Variants in EYS observed in about 807,000 individuals in gnomAD.
EYS encodes the protein protein eyes shut homolog.
In EYS, 250 loss-of-function variants were observed where a neutral mutation model predicts 282.1. That is an observed-to-expected ratio of 0.89 (90% CI 0.80 to 0.98). EYS has a LOEUF of 0.98. EYS is among the 50% of genes least tolerant of loss of function. EYS has a pLI of 0.00. For synonymous variants in EYS, 1,355 were observed against 1,282.9 expected (o/e 1.06, Z -1.20); for missense variants, 4,016 against 3,709.0 (o/e 1.08, Z -2.15).
intron 23 of EYS, among the ~76,000 whole-genome samples, chr6:64,623,065 T>C (rs1255034374): frequency 6.6e-6 from 1 of 152,162 alleles, no homozygotes; most frequent in Non-Finnish European, 1.5e-5. Flanking sequence ...ATTGCTAACA[T>C]CTAGACTAAG....
intron 30 of EYS, among the ~76,000 whole-genome samples, chr6:64,264,102 A>AAACAAC (rs16720): frequency 6.6e-6 from 1 of 151,530 alleles, no homozygotes; most frequent in Admixed American, 6.6e-5. Context: ...GCTAAAAGAA[A>AAACAAC]AACAACAACA....
At chr6:65,353,980 G>T (rs1176631244) in intron 8 of EYS, among the ~76,000 whole-genome samples, 1 of 152,000 alleles carries the variant, frequency 6.6e-6, no homozygotes, top group South Asian at 2.1e-4. Context: ...GGTTGAATTA[G>T]CACAATAAAT....
At chr6:64,524,737 A>G (rs1777862925) in intron 26 of EYS, among the ~76,000 whole-genome samples, 1 of 151,674 alleles carries the variant, frequency 6.6e-6, no homozygotes, top group South Asian at 2.1e-4. Flanking sequence ...TCCTTTCCTC[A>G]TTGCTTGCTT....
chr6:65,532,720 T>C (rs895534453), intron 2 of EYS, among the ~76,000 whole-genome samples: 1 of 152,184 alleles, frequency 6.6e-6, no homozygotes, highest in African/African-American at 2.4e-5. Flanking sequence ...ATGATTCTAA[T>C]GCTTCCCTTT....
At chr6:63,834,151 C>A (rs1393153401) in intron 36 of EYS, among the ~76,000 whole-genome samples, 5 of 152,086 alleles carry the variant, frequency 3.3e-5, no homozygotes, top group Non-Finnish European at 7.4e-5. Flanking sequence ...TAGGCAGGGG[C>A]AAGGACTTCA....
At chr6:64,021,839 T>C (rs1769208105) in intron 33 of EYS, among the ~76,000 whole-genome samples, 1 of 152,120 alleles carries the variant, frequency 6.6e-6, no homozygotes, top group Non-Finnish European at 1.5e-5. Context: ...CTGTAAGAAA[T>C]TATATACATG....
At chr6:64,310,208 C>T (rs7766748) in intron 29 of EYS, among the ~76,000 whole-genome samples, 109,052 of 151,994 alleles carry the variant, frequency 0.72, 39,324 homozygotes, top group African/African-American at 0.79. Context: ...TGAAATACCA[C>T]TCGACCCAGC....
At chr6:65,010,759 T>G (rs1469571983) in intron 13 of EYS, among the ~76,000 whole-genome samples, 1 of 152,150 alleles carries the variant, frequency 6.6e-6, no homozygotes, top group Non-Finnish European at 1.5e-5. Context: ...ACACAGAATC[T>G]AAGTATGCTT....
At chr6:64,678,945 C>T (rs1387725283) in intron 22 of EYS, among the ~76,000 whole-genome samples, 1 of 150,288 alleles carries the variant, frequency 6.7e-6, no homozygotes, top group Non-Finnish European at 1.5e-5. Flanking sequence ...AAAGATTGTG[C>T]CACTGCACTC....
intron 30 of EYS, among the ~76,000 whole-genome samples, chr6:64,246,460 GGTGT>G (rs770857200): frequency 6.6e-6 from 1 of 151,890 alleles, no homozygotes; most frequent in Non-Finnish European, 1.5e-5. Flanking sequence ...CTTTTGAAGG[GGTGT>G]GTGTGTGATG....
rs547747497 is a variant in EYS at position 64,569,506 on chromosome 6, C to T, written c.5644+20717G>A. Among the ~76,000 whole-genome samples, 12 of 152,030 alleles carry T rather than the reference C, an allele frequency of 7.9e-5. No individual in the cohort carries two copies. The East Asian group carries it at 1.2e-3, about 15-fold the overall frequency. On this transcript the variant is annotated intron_variant, in intron 26 of 42. Coordinates refer to ENST00000503581, the MANE Select transcript of EYS (RefSeq NM_001142800.2). ...CCTGTAATCCCAGCACTTTGGGAGG[C>T]GGAGGTGGGGGGGTCACGAGGTCAG...
intron 5 of EYS, among the ~76,000 whole-genome samples, chr6:65,444,574 A>G (rs530226361): frequency 4.6e-5 from 7 of 151,966 alleles, no homozygotes; most frequent in African/African-American, 1.7e-4. Flanking sequence ...GGCCAATTAT[A>G]AAGTATTTCT....
At chr6:63,971,662 G>T (rs571125496) in intron 35 of EYS, among the ~76,000 whole-genome samples, 1 of 152,142 alleles carries the variant, frequency 6.6e-6, no homozygotes, top group Non-Finnish European at 1.5e-5. Flanking sequence ...AAATAAAAAA[G>T]CCCAGAGAAT....
chr6:64,892,497 G>C (rs866681273), intron 18 of EYS, among the ~76,000 whole-genome samples: 9 of 151,932 alleles, frequency 5.9e-5, no homozygotes, highest in Admixed American at 4.6e-4. Flanking sequence ...CTATGTTAAA[G>C]TAATTCAAAT....
chr6:65,301,957 G>C (rs892567459), intron 11 of EYS, among the ~76,000 whole-genome samples: 2 of 152,256 alleles, frequency 1.3e-5, no homozygotes, highest in Admixed American at 1.3e-4. Flanking sequence ...AGTATTAAGT[G>C]TGAAGAAATC....
At chr6:64,468,733 C>A (rs1776007710) in intron 26 of EYS, among the ~76,000 whole-genome samples, 1 of 152,206 alleles carries the variant, frequency 6.6e-6, no homozygotes, top group Admixed American at 6.5e-5. Context: ...TTAGCTCCCA[C>A]TTACAAGTGA....
intron 26 of EYS, among the ~76,000 whole-genome samples, chr6:64,501,273 C>T (rs1777033820): frequency 6.6e-6 from 1 of 151,706 alleles, no homozygotes; most frequent in South Asian, 2.1e-4. Flanking sequence ...ATTCCATTTA[C>T]CTTGTGGTAT....
intron 5 of EYS, among the ~76,000 whole-genome samples, chr6:65,428,630 A>C (rs1476870335): frequency 6.6e-6 from 1 of 152,046 alleles, no homozygotes; most frequent in Middle Eastern, 3.2e-3. Context: ...TGGACTGACC[A>C]CTTCGACGCA....
intron 5 of EYS, among the ~76,000 whole-genome samples, chr6:65,449,286 C>G (rs193056739): frequency 2.0e-5 from 3 of 152,052 alleles, no homozygotes; most frequent in African/African-American, 4.8e-5. Flanking sequence ...ATAGCATAGA[C>G]GGCCAGTCAT....
Sources: allele counts gnomAD v4.1 joint callset (sites outside exome capture counted in the v4.1 genomes callset), GRCh38; gene constraint gnomAD v4.1.1; transcripts MANE v1.5; gene names NCBI Gene and HGNC (gene_info 2026-07-23, HGNC 2026-07-21).